Variants in SLC8A3 observed in about 807,000 individuals in gnomAD.
The protein encoded by SLC8A3 is solute carrier family 8 member A3.
A neutral mutation model predicts 65.4 loss-of-function variants in SLC8A3; 37 were observed. The observed-to-expected ratio is 0.57, with a 90% confidence interval of 0.44 to 0.74. SLC8A3 has a LOEUF of 0.74. Ranked by LOEUF, SLC8A3 falls within the 30% of genes least tolerant of loss-of-function variation. The pLI is 0.00. For missense variants in SLC8A3, 1,112 were observed against 1,172.1 expected, an observed-to-expected ratio of 0.95 and a Z score of 0.75; for synonymous variants, 461 against 444.5, an observed-to-expected ratio of 1.04 and a Z score of -0.47.
intron 2 of SLC8A3, among the ~76,000 whole-genome samples, chr14:70,154,980 C>T (rs1038034151): frequency 1.7e-4 from 24 of 143,612 alleles, no homozygotes; most frequent in African/African-American, 5.7e-4. Context: ...AGTGCAGTGG[C>T]GTGATCTCGG....
At chr14:70,181,465 CAAA>C (rs11306400) in intron 1 of SLC8A3, among the ~76,000 whole-genome samples, 40 of 127,756 alleles carry the variant, frequency 3.1e-4, no homozygotes, top group Admixed American at 3.9e-4. Context: ...AAGCCACACG[CAAA>C]AAAAAAAAAA....
intron 2 of SLC8A3, among the ~76,000 whole-genome samples, chr14:70,075,538 G>C (rs892553641): frequency 5.9e-5 from 9 of 152,094 alleles, no homozygotes; most frequent in Non-Finnish European, 1.3e-4. Flanking sequence ...TGTTGGGCTT[G>C]CGTGAGTGGC....
intron 2 of SLC8A3, among the ~76,000 whole-genome samples, chr14:70,107,337 T>C (rs904814833): frequency 6.6e-6 from 1 of 152,124 alleles, no homozygotes; most frequent in Non-Finnish European, 1.5e-5. Flanking sequence ...GGCTGATACT[T>C]TTTATCAGAA....
At chr14:70,154,894 AT>A (rs1896481307) in intron 2 of SLC8A3, among the ~76,000 whole-genome samples, 1 of 150,882 alleles carries the variant, frequency 6.6e-6, no homozygotes, top group South Asian at 2.1e-4. Flanking sequence ...TAATTAGCAT[AT>A]CTATCACCTT....
At chr14:70,156,314 A>G (rs954494672) in intron 2 of SLC8A3, among the ~76,000 whole-genome samples, 3 of 152,252 alleles carry the variant, frequency 2.0e-5, no homozygotes, top group African/African-American at 7.2e-5. Flanking sequence ...TCTTATTAGG[A>G]TTGGCCCAGT....
intron 2 of SLC8A3, among the ~76,000 whole-genome samples, chr14:70,165,608 A>C (rs1375636387): frequency 6.6e-6 from 1 of 152,232 alleles, no homozygotes; most frequent in Non-Finnish European, 1.5e-5. Flanking sequence ...CCACCCAAGA[A>C]AGTCTACTTT....
At chr14:70,072,509 T>A (rs936559611) in intron 2 of SLC8A3, among the ~76,000 whole-genome samples, 1 of 152,040 alleles carries the variant, frequency 6.6e-6, no homozygotes, top group African/African-American at 2.4e-5. Flanking sequence ...AAAATTTTAT[T>A]CTCCCCTTCC....
At chr14:70,149,860 G>A (rs376803738) in intron 2 of SLC8A3, among the ~76,000 whole-genome samples, 2 of 152,090 alleles carry the variant, frequency 1.3e-5, no homozygotes, top group Admixed American at 1.3e-4. Flanking sequence ...GGATGCAGAG[G>A]AGTCAACCTC....
At chr14:70,105,310 C>A (rs939331798) in intron 2 of SLC8A3, among the ~76,000 whole-genome samples, 1 of 151,916 alleles carries the variant, frequency 6.6e-6, no homozygotes, top group Non-Finnish European at 1.5e-5. Flanking sequence ...ACCTGGGCGA[C>A]AAAGCGAGAC....
chr14:70,158,061 A>G (rs1896681268), intron 2 of SLC8A3, among the ~76,000 whole-genome samples: 1 of 152,222 alleles, frequency 6.6e-6, no homozygotes, highest in Admixed American at 6.5e-5. Context: ...AAAGGAATTG[A>G]GAAGGGAGGT....
chr14:70,135,852 T>C (rs1265903929), intron 2 of SLC8A3, among the ~76,000 whole-genome samples: 1 of 152,110 alleles, frequency 6.6e-6, no homozygotes, highest in Non-Finnish European at 1.5e-5. Context: ...GCAGGGAAAT[T>C]ATAGTAAACA....
rs528226426 is a variant in SLC8A3, at chr14:70,046,873, C to T, written c.2390-550G>A. 1 of 154,070 alleles carries T rather than the reference C, an allele frequency of 6.5e-6. No individual in the cohort carries two copies. Among genetic ancestry groups the T allele is most frequent in the African/African-American group, 2.4e-5 (1 of 41,522 alleles). 9.5% of individuals were successfully genotyped at this position (154,070 alleles called of 1,614,324 possible). A position where few individuals can be genotyped will look rare whatever the true frequency, so the allele number is the denominator to read the frequency against. The stretch of plus-strand genomic sequence containing the variant: ...GGACTCAAGGAAGACGGGGCTCTGT[C>T]TTTGTGGTTTATATATGTATCACAG... On this transcript the variant is annotated intron_variant, in intron 6 of 6. Coordinates refer to ENST00000356921, the MANE Select transcript of SLC8A3 (RefSeq NM_182932.3). The surrounding 1 kb of genome is among the most constrained non-coding windows in gnomAD (Gnocchi z 4.2).
intron 2 of SLC8A3, among the ~76,000 whole-genome samples, chr14:70,103,702 A>C (rs11158831): frequency 6.6e-6 from 1 of 151,552 alleles, no homozygotes; most frequent in East Asian, 1.9e-4. Context: ...CAAAAAAAAA[A>C]TAACTGAAAA....
At chr14:70,079,330 C>CA (rs11464342) in intron 2 of SLC8A3, among the ~76,000 whole-genome samples, 14,185 of 80,802 alleles carry the variant, frequency 0.18, 994 homozygotes, top group African/African-American at 0.19. Context: ...CTAAAAAATA[C>CA]AAAAAAAAAA....
rs748144580 is a variant in SLC8A3 at position 70,049,023 on chromosome 14, A to G, written c.2133T>C (p.Asp711=). 1.2e-6 allele frequency: 2 copies of G among 1,607,050 alleles called. No individual in the cohort carries two copies. Among genetic ancestry groups the G allele is most frequent in the African/African-American group, 2.7e-5 (2 of 74,910 alleles). Residue 711 remains aspartate (D), a synonymous_variant, in exon 6 of 7, where the codon GAT becomes GAC. Transcript: ENST00000356921. ...TVSAAGDEDE[D]ESGEERLPSC... ...AGGGCAGCCTCTCCTCCCCGGATTC[A>G]TCCTCATCCTCATCCCCTGCTGAAG...
rs1228139267 is a variant in SLC8A3 at position 70,188,724 on chromosome 14, G to A, written c.-408C>T. 6.6e-6 allele frequency: 1 copy of A among 152,178 alleles called. No homozygotes were observed. Among genetic ancestry groups the A allele is most frequent in the African/African-American group, 2.4e-5 (1 of 41,456 alleles). 9.4% of individuals were successfully genotyped at this position (152,178 alleles called of 1,614,324 possible). A position where few individuals can be genotyped will look rare whatever the true frequency, so the allele number is the denominator to read the frequency against. On this transcript the variant is annotated 5_prime_UTR_variant, in exon 1 of 7. Transcript: ENST00000356921. ...AGAGCGGTGACTGGAATCTACGCCCGGGAGAGGCCCGGAGTCCCGGCCGCG... is the reference window on the plus strand; with the variant it reads ...AGAGCGGTGACTGGAATCTACGCCCAGGAGAGGCCCGGAGTCCCGGCCGCG...
chr14:70,185,380 C>A lies in SLC8A3; in HGVS notation c.-63+2999G>T, dbSNP rs865855737. Among the ~76,000 whole-genome samples the A allele has an allele frequency of 3.3e-5, 5 of 152,346 alleles. No homozygotes were observed. In the Middle Eastern group the frequency reaches 0.01, roughly 313 times the overall value. On this transcript the variant is annotated intron_variant, in intron 1 of 6. Transcript: ENST00000356921. Reference sequence around the variant, plus strand: ...TGAATCATGCAGGCTGGGGAACATGCCTACTATCAGTGCCCATAAGTAATA... The same window carrying A: ...TGAATCATGCAGGCTGGGGAACATGACTACTATCAGTGCCCATAAGTAATA...
At position 70,066,232 on chromosome 14, in the gene SLC8A3, C is replaced by T. The variant is rs192845283; in HGVS notation, c.1785-5293G>A. 5.3e-5 allele frequency among the ~76,000 whole-genome samples: 8 copies of T among 152,258 alleles called. No homozygotes were observed. The East Asian group carries it at 9.7e-4, about 18-fold the overall frequency. On this transcript the variant is annotated intron_variant, in intron 2 of 6. Coordinates refer to ENST00000356921, the MANE Select transcript of SLC8A3 (RefSeq NM_182932.3). ...CTTATGGTATTACCTTGCCTGGAGG[C>T]TAGAAAAATCCCTTCCAGCTCTTGA...
chr14:70,185,925 A>G (rs556330782), intron 1 of SLC8A3, among the ~76,000 whole-genome samples: 4 of 152,340 alleles, frequency 2.6e-5, no homozygotes, highest in Admixed American at 2.6e-4. Context: ...GCTGTTGAAT[A>G]TTTATTGAAT....
Sources: gnomAD v4.1 joint callset for allele counts (sites outside exome capture counted in the v4.1 genomes callset) on GRCh38, gnomAD v4.1.1 for gene constraint, Gnocchi (gnomAD v3.1) non-coding constraint, MANE v1.5 for transcripts, NCBI Gene and HGNC (gene_info 2026-07-23, HGNC 2026-07-21) for gene names.